NOX4: variants seen among roughly 807,000 people sequenced by gnomAD.
NOX4 encodes the protein NADPH oxidase 4, also known as kidney oxidase-1.
Under a neutral mutation model 87.6 loss-of-function variants are expected in NOX4, and 69 were observed. The observed-to-expected ratio is 0.79, with a 90% CI of 0.65 to 0.96. NOX4 has a LOEUF of 0.96. Ranked by LOEUF, NOX4 falls within the 40% of genes least tolerant of loss-of-function variation. NOX4 has a pLI of 0.00. For missense variants in NOX4, 680 were observed against 681.5 expected (o/e 1.00, Z 0.02); for synonymous variants, 275 against 238.2 (o/e 1.15, Z -1.42).
the NOX4 span, among the ~76,000 whole-genome samples, chr11:89,559,163 A>C: frequency 6.6e-6 from 1 of 152,110 alleles, no homozygotes; most frequent in Admixed American, 6.6e-5. Flanking sequence ...AAGCAGAAAT[A>C]AAAAAATCAT....
chr11:89,371,587 T>C (rs1275244636), intron 12 of NOX4, among the ~76,000 whole-genome samples: 1 of 151,956 alleles, frequency 6.6e-6, no homozygotes, highest in Non-Finnish European at 1.5e-5. Flanking sequence ...TATAGAATTC[T>C]ATCAATTTAC....
intron 5 of NOX4, among the ~76,000 whole-genome samples, chr11:89,441,155 C>A (rs319031): frequency 6.6e-6 from 1 of 152,072 alleles, no homozygotes; most frequent in East Asian, 1.9e-4. Context: ...AGGGGATTTG[C>A]GCATTGTAAG....
At chr11:89,437,496 C>G (rs1461421726) in intron 6 of NOX4, among the ~76,000 whole-genome samples, 1 of 152,140 alleles carries the variant, frequency 6.6e-6, no homozygotes, top group African/African-American at 2.4e-5. Context: ...AGCCCTGTGT[C>G]TGAGCCCAGT....
chr11:89,354,882 A>T, intron 13 of NOX4, 80 bp downstream of exon 13: 1 of 759,460 alleles, frequency 1.3e-6, no homozygotes, highest in East Asian at 2.9e-5. Flanking sequence ...GAAAGATTAC[A>T]TTTTGTTTTT....
At chr11:89,513,352 T>G in the NOX4 span, among the ~76,000 whole-genome samples, 1 of 151,706 alleles carries the variant, frequency 6.6e-6, no homozygotes, top group South Asian at 2.1e-4. Context: ...TAGAAGGAAT[T>G]CCAACAGAGC....
In NOX4 at chr11:89,465,313, C is replaced by T. The variant is rs189577364; in HGVS notation, c.154-13418G>A. On this transcript the variant is annotated intron_variant, in intron 2 of 17. Transcript: ENST00000263317. ...TCCATGTCCCTGCAAAGGACATGAA[C>T]TCACCCTTTTTTATGGCTGCATAGT... is the stretch of plus-strand genomic sequence containing the variant. Among the ~76,000 whole-genome samples, 58 of 151,324 alleles carry T rather than the reference C, an allele frequency of 3.8e-4. No individual in the cohort carries two copies. The East Asian group carries it at 0.011, about 28-fold the overall frequency.
chr11:89,493,115 G>A (rs1355651275), upstream of NOX4, among the ~76,000 whole-genome samples: 3 of 152,196 alleles, frequency 2.0e-5, no homozygotes, highest in South Asian at 2.1e-4. Flanking sequence ...TGCCGGGCGC[G>A]GTGGCTCACG....
the NOX4 span, among the ~76,000 whole-genome samples, chr11:89,561,016 A>ATATATATATAT: frequency 1.6e-5 from 1 of 63,312 alleles, no homozygotes; most frequent in African/African-American, 7.1e-5. Flanking sequence ...ATATATATAT[A>ATATATATATAT]TATACATACA....
In NOX4 at chr11:89,490,542, G is replaced by C. The variant is rs1474496957; in HGVS notation, c.69C>G (p.Leu23=). Reference sequence around the variant, plus strand: ...TCCAGAAAAGCAGGACATTCATGGAGAGCCAGATGAACTAAACCAATCAGA... The same window carrying C: ...TCCAGAAAAGCAGGACATTCATGGACAGCCAGATGAACTAAACCAATCAGA... The part of the protein sequence containing the change: ...GVKHLCLFIW[L]SMNVLLFWKT... Residue 23 remains leucine, a synonymous_variant, in exon 2 of 18, where the codon CTC becomes CTG. Coordinates refer to ENST00000263317, the MANE Select transcript of NOX4 (RefSeq NM_016931.5). 6.2e-7 allele frequency: 1 copy of C among 1,613,702 alleles called. No individual in the cohort carries two copies.
the NOX4 span, among the ~76,000 whole-genome samples, chr11:89,513,129 T>A: frequency 6.6e-6 from 1 of 152,010 alleles, no homozygotes. Flanking sequence ...CAGACCAACC[T>A]GACCAACATG....
chr11:89,442,544 T>C (rs927348481), intron 5 of NOX4, among the ~76,000 whole-genome samples: 19 of 152,128 alleles, frequency 1.2e-4, no homozygotes, highest in African/African-American at 4.1e-4. Flanking sequence ...TAGATTAAGA[T>C]ATGTTGATAC....
chr11:89,474,021 T>C (rs1295840677), intron 2 of NOX4, among the ~76,000 whole-genome samples: 1 of 152,136 alleles, frequency 6.6e-6, no homozygotes, highest in Non-Finnish European at 1.5e-5. Context: ...TGACAAACTC[T>C]TCACAGAGTT....
chr11:89,460,990 G>A (rs1399133952), intron 2 of NOX4, among the ~76,000 whole-genome samples: 1 of 152,184 alleles, frequency 6.6e-6, no homozygotes, highest in Non-Finnish European at 1.5e-5. Context: ...AAAAGATGAT[G>A]AGTTCATGTC....
intron 2 of NOX4, among the ~76,000 whole-genome samples, chr11:89,480,038 C>T (rs563540410): frequency 6.6e-6 from 1 of 152,106 alleles, no homozygotes; most frequent in South Asian, 2.1e-4. Flanking sequence ...TTAGTATATG[C>T]GGGTTTCATA....
intron 8 of NOX4, among the ~76,000 whole-genome samples, chr11:89,421,288 T>A (rs1358344160): frequency 6.6e-6 from 1 of 152,180 alleles, no homozygotes; most frequent in African/African-American, 2.4e-5. Context: ...TCTTCATCTA[T>A]CTTCATGTAT....
chr11:89,561,127 C>G, the NOX4 span, among the ~76,000 whole-genome samples: 1 of 135,424 alleles, frequency 7.4e-6, no homozygotes, highest in Non-Finnish European at 1.6e-5. Context: ...AACACAGCAG[C>G]TCTAGGAAAC....
At chr11:89,481,780 C>T (rs183546283) in intron 2 of NOX4, among the ~76,000 whole-genome samples, 2 of 152,132 alleles carry the variant, frequency 1.3e-5, no homozygotes, top group African/African-American at 4.8e-5. Context: ...GAAATTCATC[C>T]ATCAAACAGG....
chr11:89,571,777 T>C, the NOX4 span, among the ~76,000 whole-genome samples: 1 of 151,642 alleles, frequency 6.6e-6, no homozygotes, highest in Non-Finnish European at 1.5e-5. Context: ...CAAACCTGCC[T>C]TCCATTGTAT....
the NOX4 span, among the ~76,000 whole-genome samples, chr11:89,563,092 A>G: frequency 6.6e-6 from 1 of 152,146 alleles, no homozygotes; most frequent in Non-Finnish European, 1.5e-5. Context: ...CTCTCCAGCC[A>G]TGCAGAACTG....
Sources: allele counts gnomAD v4.1 joint callset (sites outside exome capture counted in the v4.1 genomes callset), GRCh38; gene constraint gnomAD v4.1.1; transcripts MANE v1.5; gene names NCBI Gene and HGNC (gene_info 2026-07-23, HGNC 2026-07-21).